The following SPAG17 variants were observed in gnomAD, a reference collection of about 807,000 sequenced individuals.
The protein encoded by SPAG17 is sperm-associated antigen 17.
A neutral mutation model predicts 273.6 loss-of-function variants in SPAG17; 169 were observed. That is an observed-to-expected ratio of 0.62 (90% CI 0.55 to 0.70). The LOEUF (loss-of-function observed/expected upper bound fraction) is 0.70. SPAG17 is among the 30% of genes least tolerant of loss of function. SPAG17 has a pLI of 0.00. For synonymous variants in SPAG17, 825 were observed against 873.2 expected (o/e 0.94, Z 0.97); for missense variants, 2,557 against 2,627.8 (o/e 0.97, Z 0.59).
rs998187672 is a variant in SPAG17, at chr1:117,958,788, G to A, written c.*1-4739C>T. 6 of 414,574 alleles carry A rather than the reference G, an allele frequency of 1.4e-5. 1 individual carries two copies. Among genetic ancestry groups the A allele is most frequent in the Admixed American group, 4.6e-5 (1 of 21,584 alleles). The allele number at this position is 414,574 out of a possible 1,614,324, so 25.7% of individuals were successfully genotyped here. A position where few individuals can be genotyped will look rare whatever the true frequency, so the allele number is the denominator to read the frequency against. On this transcript the variant is annotated intron_variant, in intron 48 of 48. Coordinates refer to ENST00000336338, the MANE Select transcript of SPAG17 (RefSeq NM_206996.4). ...TTGGCTTTTTTTTTTTTTTTTGCTC[G>A]AAACATTTCTATAATGTATATTTTG...
At chr1:118,180,059 A>G (rs1570839423) in intron 1 of SPAG17, among the ~76,000 whole-genome samples, 1 of 152,214 alleles carries the variant, frequency 6.6e-6, no homozygotes, top group Non-Finnish European at 1.5e-5. Flanking sequence ...CTAATAGTAG[A>G]ACTACCATAT....
chr1:118,021,333 T>G (rs1660476901), intron 28 of SPAG17, among the ~76,000 whole-genome samples: 1 of 152,138 alleles, frequency 6.6e-6, no homozygotes, highest in African/African-American at 2.4e-5. Flanking sequence ...TCTAATCATA[T>G]GACATTCTGG....
chr1:118,010,700 A>G (rs1179466298), intron 30 of SPAG17, among the ~76,000 whole-genome samples: 1 of 152,210 alleles, frequency 6.6e-6, no homozygotes, highest in Admixed American at 6.5e-5. Context: ...CAACAAAAGC[A>G]AAAATTGACA....
chr1:117,968,578 C>T (rs1055604109), intron 46 of SPAG17, among the ~76,000 whole-genome samples: 2 of 152,190 alleles, frequency 1.3e-5, no homozygotes, highest in African/African-American at 4.8e-5. Flanking sequence ...CATATTACAG[C>T]TAGAAGGGGC....
chr1:118,141,254 A>T (rs1658664676), intron 3 of SPAG17, among the ~76,000 whole-genome samples: 1 of 152,210 alleles, frequency 6.6e-6, no homozygotes, highest in Non-Finnish European at 1.5e-5. Flanking sequence ...TAGACCTTTG[A>T]ATATTTATGG....
At chr1:118,121,866 CATT>C (rs1657440341) in intron 3 of SPAG17, among the ~76,000 whole-genome samples, 2 of 152,102 alleles carry the variant, frequency 1.3e-5, no homozygotes, top group Admixed American at 1.3e-4. Flanking sequence ...AAGAGAAAAA[CATT>C]ATGAATATTT....
intron 29 of SPAG17, among the ~76,000 whole-genome samples, chr1:118,013,130 T>A (rs1246257858): frequency 4.6e-5 from 7 of 152,240 alleles, no homozygotes; most frequent in African/African-American, 1.7e-4. Flanking sequence ...TGTTTGCTTC[T>A]GGAAAGCTCA....
intron 3 of SPAG17, among the ~76,000 whole-genome samples, chr1:118,117,709 C>T (rs1035817521): frequency 6.6e-6 from 1 of 152,278 alleles, no homozygotes; most frequent in African/African-American, 2.4e-5. Flanking sequence ...TGCCCTGGGG[C>T]GGCCCACATG....
At chr1:118,078,819 T>A (rs1170874972) in intron 15 of SPAG17, among the ~76,000 whole-genome samples, 2 of 152,064 alleles carry the variant, frequency 1.3e-5, no homozygotes, top group Non-Finnish European at 2.9e-5. Flanking sequence ...TCTGCTCTAT[T>A]GAGATTATAT....
At chr1:118,159,057 G>A (rs1659788678) in intron 1 of SPAG17, among the ~76,000 whole-genome samples, 1 of 152,186 alleles carries the variant, frequency 6.6e-6, no homozygotes, top group African/African-American at 2.4e-5. Flanking sequence ...TTTTACACAT[G>A]CTTAGCATGG....
rs900019113 is a variant in SPAG17 at position 118,053,992 on chromosome 1, G to A, written c.2814+10C>T. On this transcript the variant is annotated intron_variant, in intron 20 of 48. Coordinates refer to ENST00000336338, the MANE Select transcript of SPAG17 (RefSeq NM_206996.4). ...TGCCTGTTTTTTAAACTTTATGTAAGCTGGATTACCTTGAGAGAGCCTTCT... is the reference window on the plus strand; with the variant it reads ...TGCCTGTTTTTTAAACTTTATGTAAACTGGATTACCTTGAGAGAGCCTTCT... 6.3e-7 allele frequency: 1 copy of A among 1,593,504 alleles called. No homozygotes were observed. Among genetic ancestry groups the A allele is most frequent in the Non-Finnish European group, 8.6e-7 (1 of 1,164,842 alleles).
intron 1 of SPAG17, among the ~76,000 whole-genome samples, chr1:118,183,261 A>G (rs1033492662): frequency 2.0e-5 from 3 of 152,188 alleles, no homozygotes; most frequent in African/African-American, 7.2e-5. Flanking sequence ...CTCTCTGGAT[A>G]CTAAAACAAT....
chr1:117,954,546 T>G, intron 48 of SPAG17: 1 of 1,608,244 alleles, frequency 6.2e-7, no homozygotes, highest in Non-Finnish European at 8.5e-7. Flanking sequence ...AGTCTCAGTT[T>G]TTTTAATGAC....
At chr1:118,106,297 T>A (rs1656393949) in intron 4 of SPAG17, among the ~76,000 whole-genome samples, 1 of 152,194 alleles carries the variant, frequency 6.6e-6, no homozygotes, top group Admixed American at 6.5e-5. Context: ...TCTCGTCAAG[T>A]CTTCACAATA....
intron 7 of SPAG17, among the ~76,000 whole-genome samples, chr1:118,096,860 T>C (rs551401208): frequency 6.6e-6 from 1 of 152,264 alleles, no homozygotes; most frequent in Admixed American, 6.5e-5. Context: ...TAAACCCCAC[T>C]CTTGGGAAAT....
chr1:118,135,391 G>GTGTGTGTGTGTGTGTGTT (rs1405810068), intron 3 of SPAG17, among the ~76,000 whole-genome samples: 1 of 150,802 alleles, frequency 6.6e-6, no homozygotes. Flanking sequence ...GTGTGTGTGT[G>GTGTGTGTGTGTGTGTGTT]TGTGTGTGTG....
rs1158040541 is a variant in SPAG17 at position 118,042,034 on chromosome 1, T to C, written c.2823A>G (p.Lys941=). Residue 941 remains lysine (K), a synonymous_variant, in exon 21 of 49, where the codon AAA becomes AAG. Coordinates refer to ENST00000336338, the MANE Select transcript of SPAG17 (RefSeq NM_206996.4). The part of the protein sequence containing the change: ...FILEGSLKAW[K]EEQHRLAEEE... Reference sequence around the variant, plus strand: ...CTTCTGCTAATCGATGTTGCTCTTCTTTCCATGCCTGTAAACACATTTAAG... The same window carrying C: ...CTTCTGCTAATCGATGTTGCTCTTCCTTCCATGCCTGTAAACACATTTAAG... 2.5e-6 allele frequency: 4 copies of C among 1,610,148 alleles called. No individual in the cohort carries two copies. The highest frequency in any genetic ancestry group is 3.4e-5 in the Admixed American group (2 of 59,052).
In SPAG17 at chr1:118,151,294, C is replaced by T. The variant is rs372293306; in HGVS notation, c.163G>A (p.Val55Met). The T allele has an allele frequency of 2.6e-5, 42 of 1,613,518 alleles. No individual in the cohort carries two copies. Among genetic ancestry groups the T allele is most frequent in the African/African-American group, 2.5e-4 (19 of 74,906 alleles). Residue 55 changes from valine (V) to methionine (M), a missense_variant, in exon 2 of 49, where the codon GTG becomes ATG. Transcript: ENST00000336338. ...EDDLLIQALT[V>M]AVQVPQRKLF... ...TTACGCTGAGGGACCTGGACAGCCA[C>T]GGTAAGGGCTTGGATGAGAAGATCA...
At chr1:118,129,408 C>G (rs753711051) in intron 3 of SPAG17, among the ~76,000 whole-genome samples, 2 of 152,184 alleles carry the variant, frequency 1.3e-5, no homozygotes, top group Non-Finnish European at 2.9e-5. Context: ...TGGGCTCCAA[C>G]GCAGACCTGC....
Sources: gnomAD v4.1 joint callset for allele counts (sites outside exome capture counted in the v4.1 genomes callset) on GRCh38, gnomAD v4.1.1 for gene constraint, MANE v1.5 for transcripts, NCBI Gene and HGNC (gene_info 2026-07-23, HGNC 2026-07-21) for gene names.